RTKN2: variants seen among roughly 807,000 people sequenced by gnomAD.
The protein encoded by RTKN2 is rhotekin-2.
RTKN2 carries 69 observed loss-of-function variants against 71.5 expected under a neutral mutation model. The observed-to-expected ratio is 0.96, with a 90% confidence interval of 0.79 to 1.18. The LOEUF (loss-of-function observed/expected upper bound fraction) is 1.18. Among genes scored for constraint, RTKN2 ranks in the 50% most tolerant of loss-of-function variants. The probability of loss-of-function intolerance (pLI) is 0.00; values close to 1 mark genes in which losing one functional copy is unlikely to be tolerated. For synonymous variants in RTKN2, 236 were observed against 236.5 expected, an observed-to-expected ratio of 1.00 and a Z score of 0.02; for missense variants, 724 against 719.7, an observed-to-expected ratio of 1.01 and a Z score of -0.07.
At position 62,198,026 on chromosome 10, in the gene RTKN2, C is replaced by T. The variant is rs750852011; in HGVS notation, c.1712G>A (p.Ser571Asn). 8.1e-6 allele frequency: 13 copies of T among 1,614,098 alleles called. No homozygotes were observed. The highest frequency in any genetic ancestry group is 2.2e-5 in the East Asian group (1 of 44,884). ...TTTAGTGTCTGTGTGCTCACCATCA[C>T]TTAATCTATTTCTCCTGGCAGGCAG... ...KLLPARRNRL[S>N]DGEHTDTKTN... Residue 571 changes from serine (S) to asparagine (N), a missense_variant, in exon 12 of 12, where the codon AGT becomes AAT. Transcript: ENST00000373789.
intron 7 of RTKN2, among the ~76,000 whole-genome samples, chr10:62,222,297 A>C (rs1841926698): frequency 2.0e-5 from 3 of 151,708 alleles, no homozygotes; most frequent in South Asian, 4.2e-4. Flanking sequence ...ATTTTTGTAG[A>C]GATAGGGTCT....
intron 6 of RTKN2, among the ~76,000 whole-genome samples, chr10:62,228,974 G>A (rs1473123353): frequency 6.6e-6 from 1 of 152,216 alleles, no homozygotes; most frequent in Non-Finnish European, 1.5e-5. Flanking sequence ...TAAAGTAGAA[G>A]ACTATAGAAA....
chr10:62,224,484 A>C (rs1446969367), intron 6 of RTKN2, among the ~76,000 whole-genome samples: 2 of 152,140 alleles, frequency 1.3e-5, no homozygotes, highest in Non-Finnish European at 2.9e-5. Flanking sequence ...CCGTTCATTT[A>C]ATAAATATTT....
intron 6 of RTKN2, among the ~76,000 whole-genome samples, chr10:62,232,374 G>T (rs1181207320): frequency 6.7e-6 from 1 of 149,348 alleles, no homozygotes; most frequent in Non-Finnish European, 1.5e-5. Flanking sequence ...GAGTGCAGTG[G>T]CATGATCACA....
intron 11 of RTKN2, among the ~76,000 whole-genome samples, chr10:62,199,018 G>T (rs1444912599): frequency 6.6e-6 from 1 of 152,208 alleles, no homozygotes; most frequent in South Asian, 2.1e-4. Flanking sequence ...TGGTAATAAG[G>T]GTGGTGGGTG....
Position 62,206,729 on chromosome 10 carries a change from C to T in RTKN2, c.1021-1707G>A, listed in dbSNP as rs574516250. 9.9e-5 allele frequency among the ~76,000 whole-genome samples: 15 copies of T among 152,008 alleles called. No individual in the cohort carries two copies. In the East Asian group the frequency reaches 1.7e-3, roughly 18 times the overall value. ...ATTATATATGTTACTTTTGACTATA[C>T]GCCCAGTATCTTAATTTTATCATAA... On this transcript the variant is annotated intron_variant, in intron 9 of 11. Coordinates refer to ENST00000373789, the MANE Select transcript of RTKN2 (RefSeq NM_145307.4).
intron 9 of RTKN2, chr10:62,215,231 T>A (rs1322766113): frequency 2.0e-6 from 1 of 488,592 alleles, no homozygotes; most frequent in Non-Finnish European, 3.5e-6. Flanking sequence ...CATAATCATA[T>A]ACACAGAACT....
chr10:62,237,908 T>C (rs759840998), intron 5 of RTKN2, among the ~76,000 whole-genome samples: 11 of 151,718 alleles, frequency 7.3e-5, no homozygotes, highest in Non-Finnish European at 1.5e-4. Flanking sequence ...TTTTAGCAAA[T>C]GTTAAGATTG....
intron 7 of RTKN2, 77 bp downstream of exon 7, chr10:62,223,161 T>C: frequency 1.3e-6 from 1 of 759,300 alleles, no homozygotes; most frequent in Non-Finnish European, 2.2e-6. Flanking sequence ...TAAGCCGATA[T>C]CCACTTGAGG....
chr10:62,200,091 C>T (rs926647339), intron 10 of RTKN2, among the ~76,000 whole-genome samples: 1 of 151,938 alleles, frequency 6.6e-6, no homozygotes, highest in South Asian at 2.1e-4. Context: ...TGGCCGGGCA[C>T]GGTGGCTCAT....
At chr10:62,249,678 T>C (rs1402288310) in intron 2 of RTKN2, among the ~76,000 whole-genome samples, 1 of 152,226 alleles carries the variant, frequency 6.6e-6, no homozygotes, top group African/African-American at 2.4e-5. Flanking sequence ...ATAAGTGGGT[T>C]GCTATTAATC....
chr10:62,262,412 A>C (rs1842789551), intron 2 of RTKN2, among the ~76,000 whole-genome samples: 1 of 152,202 alleles, frequency 6.6e-6, no homozygotes, highest in Non-Finnish European at 1.5e-5. Flanking sequence ...TTTTATAATT[A>C]CATATTGAAC....
intron 9 of RTKN2, among the ~76,000 whole-genome samples, chr10:62,210,707 G>C (rs139711229): frequency 7.2e-5 from 11 of 152,122 alleles, no homozygotes; most frequent in African/African-American, 2.4e-4. Context: ...TTTGAAATAT[G>C]TAATGCATAG....
In RTKN2 at chr10:62,195,910, G is replaced by A; in HGVS notation, c.*1998C>T. On this transcript the variant is annotated 3_prime_UTR_variant, in exon 12 of 12. Coordinates refer to ENST00000373789, the MANE Select transcript of RTKN2 (RefSeq NM_145307.4). ...TTCTACTCTGAGGGCACAACTGCTA[G>A]GTAATTTCTGTATGAATACTTTCTT... is the stretch of plus-strand genomic sequence containing the variant. The A allele has an allele frequency of 1.0e-6, 1 of 985,100 alleles. No homozygotes were observed. The highest frequency in any genetic ancestry group is 1.2e-6 in the Non-Finnish European group (1 of 829,752). 61.0% of individuals were successfully genotyped at this position (985,100 alleles called of 1,614,324 possible).
At chr10:62,258,046 G>C (rs1459273747) in intron 2 of RTKN2, among the ~76,000 whole-genome samples, 1 of 152,136 alleles carries the variant, frequency 6.6e-6, no homozygotes, top group African/African-American at 2.4e-5. Context: ...TATATTATTG[G>C]AACAGTATGG....
At chr10:62,214,714 A>C (rs529907542) in intron 9 of RTKN2, among the ~76,000 whole-genome samples, 2 of 152,248 alleles carry the variant, frequency 1.3e-5, no homozygotes, top group African/African-American at 4.8e-5. Flanking sequence ...ATCGCCTATA[A>C]GTCTGCTGTG....
chr10:62,226,898 C>G (rs933329255), intron 6 of RTKN2, among the ~76,000 whole-genome samples: 2 of 152,116 alleles, frequency 1.3e-5, no homozygotes, highest in Non-Finnish European at 2.9e-5. Context: ...GAGGCGGAGG[C>G]TGCAGTGAGC....
intron 6 of RTKN2, among the ~76,000 whole-genome samples, chr10:62,223,839 A>G (rs1034226748): frequency 6.6e-6 from 1 of 152,176 alleles, no homozygotes; most frequent in Admixed American, 6.5e-5. Flanking sequence ...AAGAACTGAG[A>G]GCAGAGACTC....
chr10:62,227,308 A>G (rs1842047990), intron 6 of RTKN2, among the ~76,000 whole-genome samples: 1 of 152,164 alleles, frequency 6.6e-6, no homozygotes, highest in Admixed American at 6.5e-5. Context: ...AGGTCAGGGG[A>G]GAGTGCTATT....
Sources: gnomAD v4.1 joint callset for allele counts (sites outside exome capture counted in the v4.1 genomes callset) on GRCh38, gnomAD v4.1.1 for gene constraint, MANE v1.5 for transcripts, NCBI Gene and HGNC (gene_info 2026-07-23, HGNC 2026-07-21) for gene names.